COL19A1: variants seen among roughly 807,000 people sequenced by gnomAD.
COL19A1 encodes collagen type XIX alpha 1 chain.
COL19A1 carries 159 observed loss-of-function variants against 190.2 expected under a neutral mutation model. The ratio of observed to expected loss-of-function variants is 0.84; its 90% CI spans 0.73 to 0.95. The LOEUF (loss-of-function observed/expected upper bound fraction) is 0.95, where lower values mean the gene tolerates loss of function less well. COL19A1 is among the 40% of genes least tolerant of loss of function. The pLI is 0.00. For missense variants in COL19A1, 1,418 were observed against 1,431.9 expected, an observed-to-expected ratio of 0.99 and a Z score of 0.16; for synonymous variants, 509 against 458.9, an observed-to-expected ratio of 1.11 and a Z score of -1.39.
chr6:70,026,677 T>C (rs1314292766), intron 12 of COL19A1, among the ~76,000 whole-genome samples: 2 of 152,178 alleles, frequency 1.3e-5, no homozygotes, highest in Non-Finnish European at 2.9e-5. Context: ...TATTACACTG[T>C]TGGAGATGGG....
chr6:69,997,026 T>TATAGAGAG (rs576813975), intron 11 of COL19A1, among the ~76,000 whole-genome samples: 9 of 146,972 alleles, frequency 6.1e-5, no homozygotes, highest in African/African-American at 2.4e-4. Flanking sequence ...TATATATATA[T>TATAGAGAG]AGAGAGAGAG....
intron 15 of COL19A1, among the ~76,000 whole-genome samples, chr6:70,086,249 A>G (rs1782584102): frequency 6.6e-6 from 1 of 152,116 alleles, no homozygotes; most frequent in African/African-American, 2.4e-5. Context: ...GTTAAATATA[A>G]CAAACTATAC....
intron 10 of COL19A1, among the ~76,000 whole-genome samples, chr6:69,960,721 C>T (rs560689345): frequency 1.1e-4 from 17 of 151,172 alleles, no homozygotes; most frequent in South Asian, 1.0e-3. Context: ...GCTCTGCCTC[C>T]GTTCACGCCA....
intron 2 of COL19A1, among the ~76,000 whole-genome samples, chr6:69,896,524 A>G (rs1180543547): frequency 2.3e-5 from 3 of 129,660 alleles, no homozygotes; most frequent in Admixed American, 8.7e-5. Context: ...GGCCTGGGCG[A>G]CAGAGCGAGA....
intron 11 of COL19A1, among the ~76,000 whole-genome samples, chr6:70,021,568 T>G (rs1343061740): frequency 6.6e-6 from 1 of 152,222 alleles, no homozygotes; most frequent in Non-Finnish European, 1.5e-5. Context: ...TTATTGTTTC[T>G]GATCCCCTTA....
chr6:70,102,871 GCTT>G (rs2150188853), intron 16 of COL19A1, among the ~76,000 whole-genome samples: 1 of 152,134 alleles, frequency 6.6e-6, no homozygotes, highest in East Asian at 1.9e-4. Context: ...CACTTTTCAG[GCTT>G]CTTCTTACTT....
intron 14 of COL19A1, among the ~76,000 whole-genome samples, chr6:70,044,186 G>T (rs1779784177): frequency 6.6e-6 from 1 of 152,240 alleles, no homozygotes. Flanking sequence ...GCAAGGGCTT[G>T]CTCTGGATTA....
In COL19A1 at chr6:70,076,283, C is replaced by G. The variant is rs182931731; in HGVS notation, c.1224+7807C>G. ...TGCAGGGCTATTTATTCTAACTGTT[C>G]TGCATAATATACACCCATTGTCTAT... is the stretch of plus-strand genomic sequence containing the variant. On this transcript the variant is annotated intron_variant, in intron 15 of 50. Transcript: ENST00000620364. 1.9e-3 allele frequency among the ~76,000 whole-genome samples: 287 copies of G among 152,316 alleles called. 2 individuals carry two copies. Among genetic ancestry groups the G allele is most frequent in the African/African-American group, 6.5e-3 (271 of 41,572 alleles).
chr6:69,988,452 A>G (rs191752512), intron 11 of COL19A1, among the ~76,000 whole-genome samples: 1 of 152,312 alleles, frequency 6.6e-6, no homozygotes, highest in East Asian at 1.9e-4. Flanking sequence ...ATTAGTTCCC[A>G]GATGAGAAAT....
chr6:70,124,320 A>G (rs1224506561), intron 17 of COL19A1, among the ~76,000 whole-genome samples: 2 of 152,144 alleles, frequency 1.3e-5, no homozygotes, highest in Non-Finnish European at 2.9e-5. Flanking sequence ...AGAACACACT[A>G]TATTACTATC....
At chr6:70,125,101 A>ATTGTTTCATT (rs3842607) in intron 17 of COL19A1, among the ~76,000 whole-genome samples, 63,723 of 151,692 alleles carry the variant, frequency 0.42, 13,572 homozygotes, top group South Asian at 0.53. Flanking sequence ...GGACACTGAG[A>ATTGTTTCATT]TTGCAATTTG....
chr6:70,036,987 T>C (rs2150119304), intron 14 of COL19A1, among the ~76,000 whole-genome samples: 1 of 152,300 alleles, frequency 6.6e-6, no homozygotes, highest in South Asian at 2.1e-4. Flanking sequence ...TTTTTTGATA[T>C]GTGGAAAACC....
At chr6:69,942,157 G>T (rs1013369490) in intron 9 of COL19A1, among the ~76,000 whole-genome samples, 2 of 152,136 alleles carry the variant, frequency 1.3e-5, no homozygotes, top group Admixed American at 6.6e-5. Flanking sequence ...GAAAAGATTT[G>T]AGAATACAAC....
intron 25 of COL19A1, 113 bp downstream of exon 25, chr6:70,145,120 G>A: frequency 1.3e-6 from 1 of 794,800 alleles, no homozygotes; most frequent in Non-Finnish European, 2.1e-6. Context: ...GCAAAAAAAG[G>A]AAAAAAGAAC....
intron 15 of COL19A1, among the ~76,000 whole-genome samples, chr6:70,075,234 A>AT (rs1450052705): frequency 6.6e-6 from 1 of 152,218 alleles, no homozygotes; most frequent in Non-Finnish European, 1.5e-5. Flanking sequence ...GGTCCAAGCA[A>AT]CAAGTGCAGA....
intron 1 of COL19A1, among the ~76,000 whole-genome samples, chr6:69,871,809 ATTTTTTTT>A (rs556851857): frequency 3.6e-5 from 4 of 110,360 alleles, no homozygotes; most frequent in Admixed American, 1.0e-4. Context: ...CAAGTCCACC[ATTTTTTTT>A]TTTTTTTTTT....
rs750612599 is a variant in COL19A1, at chr6:69,938,059, G to C, written c.895G>C (p.Ala299Pro). ...TCAGGGAGAAGCAGGATTACCAGGA[G>C]CTCCGGGTTCACCTGGGCAGAAAGG... is the stretch of plus-strand genomic sequence containing the variant. ...PNKGEAGLPG[A>P]PGSPGQKGHK... Residue 299 changes from alanine (A) to proline (P), a missense_variant, in exon 9 of 51, where the codon GCT becomes CCT. Ala to Pro is a conservative substitution (Grantham distance 27, BLOSUM62 -1). Coordinates refer to ENST00000620364, the MANE Select transcript of COL19A1 (RefSeq NM_001858.6). 2.5e-6 allele frequency: 4 copies of C among 1,612,768 alleles called. No individual in the cohort carries two copies. The highest frequency in any genetic ancestry group is 2.2e-5 in the South Asian group (2 of 91,048).
chr6:69,926,786 G>A (rs1014383271), intron 4 of COL19A1, among the ~76,000 whole-genome samples: 1 of 149,686 alleles, frequency 6.7e-6, no homozygotes. Context: ...ACTCTAAGAA[G>A]GACAAACTGA....
chr6:69,917,820 T>G lies in COL19A1; in HGVS notation c.267-10089T>G, dbSNP rs78822637. 5.5e-3 allele frequency among the ~76,000 whole-genome samples: 831 copies of G among 151,562 alleles called. 18 individuals carry two copies. In the East Asian group the frequency reaches 0.068, roughly 12 times the overall value. ...ATATACTAACAGTAATGATAGCTGA[T>G]GAGCTAAAAAAAAATCACAAAAAAA... On this transcript the variant is annotated intron_variant, in intron 4 of 50. Coordinates refer to ENST00000620364, the MANE Select transcript of COL19A1 (RefSeq NM_001858.6).
Sources: allele counts gnomAD v4.1 joint callset (sites outside exome capture counted in the v4.1 genomes callset), GRCh38; gene constraint gnomAD v4.1.1; transcripts MANE v1.5; gene names NCBI Gene and HGNC (gene_info 2026-07-23, HGNC 2026-07-21).